CCP110: variants seen among roughly 807,000 people sequenced by gnomAD.
CCP110 encodes centriolar coiled-coil protein 110.
CCP110 carries 43 observed loss-of-function variants against 105.5 expected under a neutral mutation model. That is an observed-to-expected ratio of 0.41 (90% CI 0.32 to 0.53). The LOEUF (loss-of-function observed/expected upper bound fraction) is 0.53. Among genes scored for constraint, CCP110 ranks in the 20% least tolerant of loss-of-function variants. The pLI, the probability that CCP110 is intolerant of heterozygous loss-of-function variation, is 0.32. For synonymous variants in CCP110, 353 were observed against 392.1 expected, an observed-to-expected ratio of 0.90 and a Z score of 1.18; for missense variants, 1,016 against 1,189.1, an observed-to-expected ratio of 0.85 and a Z score of 2.14.
intron 4 of CCP110, among the ~76,000 whole-genome samples, chr16:19,538,225 ATCT>A (rs1970146691): frequency 6.9e-6 from 1 of 145,852 alleles, no homozygotes; most frequent in African/African-American, 2.6e-5. Context: ...GCCTGGATGG[ATCT>A]TCTTATTTAA....
chr16:19,552,152 C>T (rs918306194), exon 15 of CCP110: 1 of 152,036 alleles, frequency 6.6e-6, no homozygotes, highest in Non-Finnish European at 1.5e-5. Context: ...TCCAGATTTC[C>T]GGATAAGAAT....
rs997407889 is a variant in CCP110, at chr16:19,546,723, G to A, written c.2840+249G>A. On this transcript the variant is annotated intron_variant, in intron 12 of 14. Coordinates refer to ENST00000381396, the Ensembl canonical transcript of CCP110. ...CCAGCTACTCAAGAGGCTGAGGCAG[G>A]AGAATCGCTTGAACCCGGGAGGCAG... 4.9e-5 allele frequency: 13 copies of A among 263,648 alleles called. No homozygotes were observed. The Admixed American group carries it at 6.6e-4, about 13-fold the overall frequency. 16.3% of individuals were successfully genotyped at this position (263,648 alleles called of 1,614,324 possible). A position where few individuals can be genotyped will look rare whatever the true frequency, so the allele number is the denominator to read the frequency against.
intron 14 of CCP110, among the ~76,000 whole-genome samples, chr16:19,550,023 A>T (rs1970583174): frequency 6.6e-6 from 1 of 152,254 alleles, no homozygotes; most frequent in Non-Finnish European, 1.5e-5. Context: ...CATACTTATT[A>T]ATACAAATGA....
rs1390621600 is a variant in CCP110 at position 19,551,044 on chromosome 16, C to T, written c.2987-152C>T. 8.2e-6 allele frequency: 5 copies of T among 609,034 alleles called. No individual in the cohort carries two copies. In the East Asian group the frequency reaches 1.1e-4, roughly 14 times the overall value. The allele number at this position is 609,034 out of a possible 1,614,324, so 37.7% of individuals were successfully genotyped here. A position where few individuals can be genotyped will look rare whatever the true frequency, so the allele number is the denominator to read the frequency against. On this transcript the variant is annotated intron_variant, in intron 14 of 14. Transcript: ENST00000381396. ...TTTATTATCCTTAAAATGGTCATAACAATTTCTACCTCAGGATGATTCATA... is the reference window on the plus strand; with the variant it reads ...TTTATTATCCTTAAAATGGTCATAATAATTTCTACCTCAGGATGATTCATA...
At chr16:19,545,549 C>T (rs1341787574) in intron 10 of CCP110, among the ~76,000 whole-genome samples, 1 of 151,984 alleles carries the variant, frequency 6.6e-6, no homozygotes, top group African/African-American at 2.4e-5. Flanking sequence ...AAACAGGCTC[C>T]AAGTTAATTT....
chr16:19,529,894 AAC>A (rs1359931893), intron 2 of CCP110, among the ~76,000 whole-genome samples: 1 of 152,174 alleles, frequency 6.6e-6, no homozygotes, highest in Non-Finnish European at 1.5e-5. Flanking sequence ...ACGTCTTAAA[AAC>A]AGTTTTTTTT....
chr16:19,540,925 G>T, intron 5 of CCP110, 138 bp downstream of exon 5: 3 of 522,178 alleles, frequency 5.7e-6, no homozygotes, highest in South Asian at 8.4e-5. Context: ...ATACGTGAAT[G>T]GTATTTTTTG....
chr16:19,540,939 A>C, intron 5 of CCP110, 152 bp downstream of exon 5: 1 of 543,892 alleles, frequency 1.8e-6, no homozygotes, highest in Non-Finnish European at 3.3e-6. Flanking sequence ...TTTTTTGTCA[A>C]AATATGAATT....
At chr16:19,538,583 T>C (rs1970166042) in intron 4 of CCP110, among the ~76,000 whole-genome samples, 1 of 151,804 alleles carries the variant, frequency 6.6e-6, no homozygotes, top group Non-Finnish European at 1.5e-5. Flanking sequence ...GTGCTGGAAT[T>C]ACAGGCATGA....
chr16:19,541,717 GAGGGAAGGGA>G (rs375814224), intron 5 of CCP110, among the ~76,000 whole-genome samples, 160 bp from the exon 6 acceptor site: 1 of 149,086 alleles, frequency 6.7e-6, no homozygotes, highest in Non-Finnish European at 1.5e-5. Flanking sequence ...AAGAGGGAGG[GAGGGAAGGGA>G]AGGGAAGGGA....
At chr16:19,537,540 G>A (rs1266242065) in exon 4 of CCP110, 3 of 1,588,874 alleles carry the variant, frequency 1.9e-6, no homozygotes, top group Non-Finnish European at 2.6e-6. Flanking sequence ...TACCCTAAGG[G>A]ATCTGGCTTC....
At chr16:19,539,857 T>C (rs1268269808) in intron 4 of CCP110, among the ~76,000 whole-genome samples, 1 of 151,128 alleles carries the variant, frequency 6.6e-6, no homozygotes, top group Non-Finnish European at 1.5e-5. Flanking sequence ...TGGAGTGCAA[T>C]GGTGCGATCT....
chr16:19,528,337 T>G (rs1039680759), intron 2 of CCP110, among the ~76,000 whole-genome samples: 1 of 152,242 alleles, frequency 6.6e-6, no homozygotes, highest in Non-Finnish European at 1.5e-5. Flanking sequence ...AGTTCCATTT[T>G]TGGGTATATC....
chr16:19,549,749 C>A (rs548837346), intron 14 of CCP110, among the ~76,000 whole-genome samples: 1 of 152,320 alleles, frequency 6.6e-6, no homozygotes, highest in Admixed American at 6.5e-5. Flanking sequence ...CTATATTGCA[C>A]TGAAACTTAG....
At chr16:19,528,963 A>C (rs969840677) in intron 2 of CCP110, among the ~76,000 whole-genome samples, 2 of 152,222 alleles carry the variant, frequency 1.3e-5, no homozygotes, top group African/African-American at 4.8e-5. Context: ...AAAAAAGTCT[A>C]GGCTGTGGAG....
chr16:19,540,997 ATATTT>A (rs1196950270), intron 5 of CCP110, among the ~76,000 whole-genome samples: 7 of 152,236 alleles, frequency 4.6e-5, no homozygotes, highest in Non-Finnish European at 1.0e-4. Context: ...TTTATCGAGA[ATATTT>A]TATTGAATCC....
chr16:19,545,859 C>G (rs1970440408), exon 11 of CCP110: 1 of 1,608,088 alleles, frequency 6.2e-7, no homozygotes, highest in Non-Finnish European at 8.5e-7. Context: ...AGCTGCAACA[C>G]AGAAGTCTCT....
chr16:19,551,343 C>A, exon 15 of CCP110: 1 of 1,025,098 alleles, frequency 9.8e-7, no homozygotes, highest in Non-Finnish European at 1.6e-6. Flanking sequence ...ACTCCGTTTA[C>A]ACAGACAAAG....
At position 19,548,028 on chromosome 16, in the gene CCP110, A is replaced by T. The variant is rs1157848626; in HGVS notation, c.2900+14A>T. 6.3e-7 allele frequency: 1 copy of T among 1,580,768 alleles called. No homozygotes were observed. Among genetic ancestry groups the T allele is most frequent in the Non-Finnish European group, 8.7e-7 (1 of 1,150,450 alleles). Reference sequence around the variant, plus strand: ...TAGTAGACAAGGGTAAGAATGCCACACACGGGTATTGAAAACTACGGAAAC... The same window carrying T: ...TAGTAGACAAGGGTAAGAATGCCACTCACGGGTATTGAAAACTACGGAAAC... On this transcript the variant is annotated intron_variant, in intron 13 of 14. Transcript: ENST00000381396. This position sits in a 1 kb window ranked among gnomAD's most constrained non-coding sequence, Gnocchi z 4.1.
Sources: allele counts gnomAD v4.1 joint callset (sites outside exome capture counted in the v4.1 genomes callset), GRCh38; gene constraint gnomAD v4.1.1; non-coding constraint Gnocchi (gnomAD v3.1); transcripts MANE v1.5; gene names NCBI Gene and HGNC (gene_info 2026-07-23, HGNC 2026-07-21).